PCGF2: variants seen among roughly 807,000 people sequenced by gnomAD.
The protein encoded by PCGF2 is polycomb group ring finger 2.
PCGF2 carries 8 observed loss-of-function variants against 36.1 expected under a neutral mutation model. That is an observed-to-expected ratio of 0.22 (90% CI 0.13 to 0.40). The LOEUF (loss-of-function observed/expected upper bound fraction) is 0.40. Ranked by LOEUF, PCGF2 falls within the 10% of genes least tolerant of loss-of-function variation. PCGF2 has a pLI of 1.00. For synonymous variants in PCGF2, 198 were observed against 191.2 expected (o/e 1.04, Z -0.29); for missense variants, 436 against 475.9 (o/e 0.92, Z 0.78).
chr17:38,748,356 A>AGGGGAGGGGAGGGGACCGAGG, upstream of PCGF2: 1 of 14,770 alleles, frequency 6.8e-5, no homozygotes, highest in South Asian at 1.9e-3. Context: ...TGGGAGGGAG[A>AGGGGAGGGGAGGGGACCGAGG]GGGGAGGGGA....
chr17:38,740,420 T>TGGGGGGGGG lies in PCGF2; in HGVS notation c.-19_-18insCCCCCCCCC. ...CGATGCATGATTCCGGGGTCGGGGGTGGGGGGACTGGGGAGCGTTGCCCTG... is the reference window on the plus strand; with the variant it reads ...CGATGCATGATTCCGGGGTCGGGGGTGGGGGGGGGGGGGGGACTGGGGAGCGTTGCCCTG... On this transcript the variant is annotated 5_prime_UTR_variant, in exon 3 of 11. Coordinates refer to ENST00000620225, the MANE Select transcript of PCGF2 (RefSeq NM_007144.3). The TGGGGGGGGG allele has an allele frequency of 2.2e-6, 1 of 445,004 alleles. No homozygotes were observed. Among genetic ancestry groups the TGGGGGGGGG allele is most frequent in the Non-Finnish European group, 3.7e-6 (1 of 272,266 alleles). 27.6% of individuals were successfully genotyped at this position (445,004 alleles called of 1,614,324 possible).
chr17:38,742,886 C>T (rs1184808118), intron 2 of PCGF2, among the ~76,000 whole-genome samples: 1 of 152,166 alleles, frequency 6.6e-6, no homozygotes, highest in African/African-American at 2.4e-5. Flanking sequence ...GTGTGCAGAG[C>T]CACCAACAAA....
chr17:38,734,333 C>T lies in PCGF2; in HGVS notation c.*890G>A, dbSNP rs1906507706. The T allele has an allele frequency of 6.6e-6, 1 of 152,492 alleles. No individual in the cohort carries two copies. Among genetic ancestry groups the T allele is most frequent in the Non-Finnish European group, 1.5e-5 (1 of 68,042 alleles). The allele number at this position is 152,492 out of a possible 1,614,324, so 9.4% of individuals were successfully genotyped here. On this transcript the variant is annotated 3_prime_UTR_variant, in exon 11 of 11. Transcript: ENST00000620225. ...TGTGCTTGTGTGAGGTTAACCCACC[C>T]CCACTTCCACTCTAGGCCCCAGGTG...
rs756706080 is a variant in PCGF2, at chr17:38,735,568, C to T, written c.690G>A (p.Gln230=). ...CTAGGGTGAGCCGCTTGCAGGCTGG[C>T]TGGACACGGTACTTGAGGGGGAGAG... The part of the protein sequence containing the change: ...NGPLPLKYRV[Q]PACKRLTLAT... Residue 230 remains glutamine, a synonymous_variant, in exon 11 of 11, where the codon CAG becomes CAA. Transcript: ENST00000620225. 4 of 1,582,940 alleles carry T rather than the reference C, an allele frequency of 2.5e-6. No homozygotes were observed. Among genetic ancestry groups the T allele is most frequent in the Non-Finnish European group, 3.4e-6 (4 of 1,163,628 alleles).
intron 2 of PCGF2, among the ~76,000 whole-genome samples, chr17:38,747,010 G>A (rs1013694177): frequency 6.6e-6 from 1 of 152,188 alleles, no homozygotes; most frequent in Non-Finnish European, 1.5e-5. Flanking sequence ...GGGACAACCA[G>A]GAGACAGCCC....
intron 2 of PCGF2, among the ~76,000 whole-genome samples, chr17:38,741,068 GGAAAA>G (rs1907171257): frequency 6.6e-6 from 1 of 152,048 alleles, no homozygotes; most frequent in Non-Finnish European, 1.5e-5. Context: ...GCAGGAAAAT[GGAAAA>G]GAAGAGGGTT....
Position 38,735,357 on chromosome 17 carries a change from T to A in PCGF2, c.901A>T (p.Thr301Ser). Residue 301 changes from threonine to serine, a missense_variant, in exon 11 of 11, where the codon ACT becomes TCT. Thr to Ser is a moderately conservative substitution (Grantham distance 58, BLOSUM62 1). This residue lies in a region of PCGF2 where 227 missense variants were observed against 212.9 expected (regional missense o/e 1.07). Transcript: ENST00000620225. ...GCCCCACTGGCTGTCGAAGGGGGAG[T>A]GGGGGAGGTAGGGTGGGTGGCTGGA... The part of the protein sequence containing the change: ...GPPATHPTSP[T>S]PPSTASGATT... The A allele has an allele frequency of 6.5e-7, 1 of 1,532,268 alleles. No homozygotes were observed. The highest frequency in any genetic ancestry group is 8.8e-7 in the Non-Finnish European group (1 of 1,135,288). 94.9% of individuals were successfully genotyped at this position (1,532,268 alleles called of 1,614,324 possible).
intron 2 of PCGF2, among the ~76,000 whole-genome samples, chr17:38,743,661 G>A (rs182679096): frequency 6.6e-6 from 1 of 152,278 alleles, no homozygotes; most frequent in Non-Finnish European, 1.5e-5. Context: ...TGGGGGTGGG[G>A]AGAAGCACTG....
intron 2 of PCGF2, among the ~76,000 whole-genome samples, chr17:38,742,180 C>A (rs1313060365): frequency 6.6e-6 from 1 of 152,190 alleles, no homozygotes; most frequent in Non-Finnish European, 1.5e-5. Flanking sequence ...CAAACCTGCA[C>A]CTGGAAGGGA....
chr17:38,747,275 C>T (rs896255635), intron 2 of PCGF2, among the ~76,000 whole-genome samples: 1 of 152,028 alleles, frequency 6.6e-6, no homozygotes, highest in East Asian at 1.9e-4. Context: ...CCCACGCCCT[C>T]AGAGCTAGCA....
Position 38,735,105 on chromosome 17 carries a change from C to A in PCGF2, c.*118G>T. 1 of 731,346 alleles carries A rather than the reference C, an allele frequency of 1.4e-6. No homozygotes were observed. Among genetic ancestry groups the A allele is most frequent in the South Asian group, 5.5e-5 (1 of 18,104 alleles). The allele number at this position is 731,346 out of a possible 1,614,324, so 45.3% of individuals were successfully genotyped here. A position where few individuals can be genotyped will look rare whatever the true frequency, so the allele number is the denominator to read the frequency against. On this transcript the variant is annotated 3_prime_UTR_variant, in exon 11 of 11. Coordinates refer to ENST00000620225, the MANE Select transcript of PCGF2 (RefSeq NM_007144.3). Reference sequence around the variant, plus strand: ...TATATATATATTTATTTATAAAACCCGCCCCCCACCCCCAAGGTGGGAAGA... The same window carrying A: ...TATATATATATTTATTTATAAAACCAGCCCCCCACCCCCAAGGTGGGAAGA...
intron 9 of PCGF2, among the ~76,000 whole-genome samples, chr17:38,737,910 CAA>C (rs57011839): frequency 1.5e-4 from 13 of 89,242 alleles, no homozygotes; most frequent in Admixed American, 2.5e-4. Context: ...GACTCCATCT[CAA>C]AAAAAAAAAA....
At chr17:38,749,184 G>T (rs1907758847), upstream of PCGF2, among the ~76,000 whole-genome samples, 1 of 152,260 alleles carries the variant, frequency 6.6e-6, no homozygotes, top group African/African-American at 2.4e-5. This position sits in a 1 kb window ranked among gnomAD's most constrained non-coding sequence, Gnocchi z 6.5. Flanking sequence ...ACTAGGAAAC[G>T]AGGCGCCGGG....
At chr17:38,746,246 G>A (rs1743589375) in intron 2 of PCGF2, among the ~76,000 whole-genome samples, 1 of 151,404 alleles carries the variant, frequency 6.6e-6, no homozygotes, top group African/African-American at 2.4e-5. Flanking sequence ...CACACATACA[G>A]CAAGACACAC....
Position 38,740,363 on chromosome 17 carries a change from G to T in PCGF2, c.40C>A (p.Pro14Thr), listed in dbSNP as rs780765988. Residue 14 changes from proline to threonine, a missense_variant, in exon 3 of 11, where the codon CCC (proline) becomes ACC (threonine). By Grantham distance (38) the Pro-to-Thr change is conservative (BLOSUM62 -1). Coordinates refer to ENST00000620225, the MANE Select transcript of PCGF2 (RefSeq NM_007144.3). Reference sequence around the variant, plus strand: ...CCGCAGAGGGCACACATGAGGTGGGGGTTCAGCTCTGTGATTTTGATCCGT... The same window carrying T: ...CCGCAGAGGGCACACATGAGGTGGGTGTTCAGCTCTGTGATTTTGATCCGT... ...TTRIKITELN[P>T]HLMCALCGGY... is the part of the protein sequence containing the mutation. 5.0e-6 allele frequency: 8 copies of T among 1,607,850 alleles called. No individual in the cohort carries two copies. The South Asian group carries it at 8.8e-5, about 18-fold the overall frequency.
intron 2 of PCGF2, 114 bp from the exon 3 acceptor site, chr17:38,740,556 G>A (rs909421992): frequency 1.5e-5 from 10 of 680,376 alleles, no homozygotes; most frequent in Non-Finnish European, 2.2e-5. Flanking sequence ...TCAGGAGATT[G>A]AGACCATCTT....
upstream of PCGF2, among the ~76,000 whole-genome samples, chr17:38,749,101 C>A (rs1907753653): frequency 6.6e-6 from 1 of 152,190 alleles, no homozygotes; most frequent in Admixed American, 6.5e-5. The surrounding 1 kb of genome is among the most constrained non-coding windows in gnomAD (Gnocchi z 6.5). Context: ...AGAACGGAGG[C>A]CCGCTGAGGA....
In PCGF2 at chr17:38,736,183, A is replaced by G. The variant is rs1360378753; in HGVS notation, c.577-13T>C. On this transcript the variant is annotated splice_polypyrimidine_tract_variant and intron_variant, in intron 9 of 10. Transcript: ENST00000620225. ...ACAGAACCTCCACCTGGGGGAGGGA[A>G]GCGGAGGACACCATGACCCTGGCCA... The G allele has an allele frequency of 1.9e-6, 3 of 1,547,232 alleles. No individual in the cohort carries two copies. The highest frequency in any genetic ancestry group is 4.7e-5 in the East Asian group (2 of 42,156).
chr17:38,744,328 A>C (rs1907402346), intron 2 of PCGF2, among the ~76,000 whole-genome samples: 1 of 152,106 alleles, frequency 6.6e-6, no homozygotes, highest in Admixed American at 6.6e-5. Context: ...CCCTGCTAAG[A>C]AAACACCACC....
Sources: gnomAD v4.1 joint callset for allele counts (sites outside exome capture counted in the v4.1 genomes callset) on GRCh38, gnomAD v4.1.1 for gene constraint, gnomAD v4.1.1 regional missense constraint, Gnocchi (gnomAD v3.1) non-coding constraint, MANE v1.5 for transcripts, NCBI Gene and HGNC (gene_info 2026-07-23, HGNC 2026-07-21) for gene names.